Variants in CAPN9 observed in about 807,000 individuals in gnomAD.
CAPN9 encodes calpain-9.
In CAPN9, 81 loss-of-function variants were observed where a neutral mutation model predicts 92.8. That is an observed-to-expected ratio of 0.87 (90% CI 0.73 to 1.05). The LOEUF is 1.05. Ranked by LOEUF, CAPN9 falls within the 50% of genes least tolerant of loss-of-function variation. CAPN9 has a pLI of 0.00. For missense variants in CAPN9, 848 were observed against 866.2 expected, an observed-to-expected ratio of 0.98 and a Z score of 0.26; for synonymous variants, 304 against 328.0, an observed-to-expected ratio of 0.93 and a Z score of 0.79.
At chr1:230,780,085 T>TGC (rs1667103325) in intron 9 of CAPN9, 94 bp from the exon 10 acceptor site, 1 of 43,456 alleles carries the variant, frequency 2.3e-5, no homozygotes, top group Non-Finnish European at 5.0e-5. Context: ...TATGTGCGTG[T>TGC]GTGTGTGTGT....
At position 230,787,557 on chromosome 1, in the gene CAPN9, G is replaced by A; in HGVS notation, c.1554G>A (p.Glu518=). The change falls in exon 13 of 20, where the codon GAG becomes GAA. Residue 518 remains glutamate, a synonymous_variant. Coordinates refer to ENST00000271971, the MANE Select transcript of CAPN9 (RefSeq NM_006615.3). The stretch of plus-strand genomic sequence containing the variant: ...CAACTCCACCTGACCAGGAGACAGA[G>A]GAGGAGCAGCGGTTTCGGGCTCTGT... The part of the protein sequence containing the change: ...PKPTPPDQET[E]EEQRFRALFE... 6.2e-7 allele frequency: 1 copy of A among 1,614,126 alleles called. No homozygotes were observed. Among genetic ancestry groups the A allele is most frequent in the Non-Finnish European group, 8.5e-7 (1 of 1,179,980 alleles).
chr1:230,763,145 C>A (rs780769882), intron 4 of CAPN9, among the ~76,000 whole-genome samples: 1 of 152,186 alleles, frequency 6.6e-6, no homozygotes, highest in Non-Finnish European at 1.5e-5. Context: ...TGGGCTATTA[C>A]GCACGTTGAT....
intron 1 of CAPN9, among the ~76,000 whole-genome samples, chr1:230,753,837 GCTTCCTCCCTCCCTCC>G (rs1200715618): frequency 7.4e-6 from 1 of 135,076 alleles, no homozygotes; most frequent in Non-Finnish European, 1.7e-5. Flanking sequence ...GACCGGCCCG[GCTTCCTCCCTCCCTCC>G]CTCCCTCCCT....
Position 230,795,196 on chromosome 1 carries a change from T to A in CAPN9, c.1904T>A (p.Ile635Asn). ...CTGAGCAGCCACCTCCTGCAGCTGA[T>A]TGTGCTCAGGTATGCGGATGAGGAG... ...FQLSSHLLQLIVLRYADEELQ... is the reference protein window; with the variant it reads ...FQLSSHLLQLNVLRYADEELQ... Residue 635 changes from isoleucine (I) to asparagine (N), a missense_variant, in exon 18 of 20, where the codon ATT becomes AAT. Coordinates refer to ENST00000271971, the MANE Select transcript of CAPN9 (RefSeq NM_006615.3). 6.2e-7 allele frequency: 1 copy of A among 1,613,366 alleles called. No homozygotes were observed. Among genetic ancestry groups the A allele is most frequent in the South Asian group, 1.1e-5 (1 of 91,026 alleles).
chr1:230,785,854 TA>T, intron 11 of CAPN9, 126 bp from the exon 12 acceptor site: 1 of 876,024 alleles, frequency 1.1e-6, no homozygotes, highest in Non-Finnish European at 1.9e-6. Context: ...CTGTGAAATG[TA>T]AACAGCACTG....
At position 230,755,360 on chromosome 1, in the gene CAPN9, C is replaced by T. The variant is rs757593269; in HGVS notation, c.237C>T (p.Phe79=). The stretch of plus-strand genomic sequence containing the variant: ...AGGAAATCGTGAAAAACCCAGAATT[C>T]ATTCTTGGAGGGGCCACCAGGACTG... The part of the protein sequence containing the change: ...RPGEIVKNPE[F]ILGGATRTDI... The change falls in exon 2 of 20, where the codon TTC becomes TTT. Residue 79 remains phenylalanine, a synonymous_variant. Transcript: ENST00000271971. 2.1e-5 allele frequency: 34 copies of T among 1,610,176 alleles called. No individual in the cohort carries two copies. The Admixed American group carries it at 5.7e-4, about 27-fold the overall frequency.
chr1:230,774,299 G>A (rs544716575), intron 7 of CAPN9, among the ~76,000 whole-genome samples: 4 of 152,360 alleles, frequency 2.6e-5, no homozygotes, highest in Non-Finnish European at 5.9e-5. Flanking sequence ...AATCTTCCAT[G>A]TCGGTGGTTC....
intron 18 of CAPN9, among the ~76,000 whole-genome samples, chr1:230,796,368 AAATAATAAAATT>A (rs2102940111): frequency 6.7e-6 from 1 of 148,690 alleles, no homozygotes; most frequent in Non-Finnish European, 1.5e-5. Context: ...ATAAATAAAT[AAATAATAAAATT>A]AAATTAAATT....
intron 13 of CAPN9, among the ~76,000 whole-genome samples, 163 bp downstream of exon 13, chr1:230,787,765 C>T (rs1226011843): frequency 6.6e-6 from 1 of 152,224 alleles, no homozygotes; most frequent in Non-Finnish European, 1.5e-5. Flanking sequence ...CCAAAGACCA[C>T]CCTGTTTACA....
chr1:230,780,214 CT>C lies in CAPN9; in HGVS notation c.1151del (p.Leu384ArgfsTer15), dbSNP rs1413333761. The stretch of plus-strand genomic sequence containing the variant: ...GACCAATCCACAAATAAAATTGTCT[CT>C]GACTGAGAAAGATGAGGGGCAGGAG... ...FWTNPQIKLS[L>X]TEKDEGQEEC... On this transcript the variant is annotated frameshift_variant, in exon 10 of 20. Coordinates refer to ENST00000271971, the MANE Select transcript of CAPN9 (RefSeq NM_006615.3). LOFTEE classifies it high-confidence loss of function. The C allele has an allele frequency of 8.7e-6, 14 of 1,613,802 alleles. No homozygotes were observed. The highest frequency in any genetic ancestry group is 1.2e-5 in the Non-Finnish European group (14 of 1,179,912).
chr1:230,796,811 G>C (rs1668388421), intron 18 of CAPN9, among the ~76,000 whole-genome samples: 1 of 152,116 alleles, frequency 6.6e-6, no homozygotes. Context: ...ATCCTTCCCA[G>C]AACGGGGGGT....
intron 9 of CAPN9, among the ~76,000 whole-genome samples, chr1:230,779,970 TC>T (rs1667092676): frequency 6.6e-6 from 1 of 152,152 alleles, no homozygotes; most frequent in South Asian, 2.1e-4. Context: ...TATTTTGCAT[TC>T]CCGTTGGGGA....
At chr1:230,755,234 G>A in intron 1 of CAPN9, 103 bp from the exon 2 acceptor site, 1 of 888,844 alleles carries the variant, frequency 1.1e-6, no homozygotes, top group Non-Finnish European at 1.8e-6. Flanking sequence ...CAAGCACAGG[G>A]AAAGCCCTCT....
At chr1:230,771,932 C>A in intron 6 of CAPN9, 82 bp from the exon 7 acceptor site, 2 of 1,107,270 alleles carry the variant, frequency 1.8e-6, no homozygotes, top group Non-Finnish European at 1.4e-6. Context: ...TGGAGCTGGT[C>A]CACCTGGAGC....
intron 2 of CAPN9, among the ~76,000 whole-genome samples, chr1:230,756,612 A>AT (rs779311345): frequency 5.5e-4 from 84 of 151,974 alleles, no homozygotes; most frequent in Non-Finnish European, 9.4e-4. Context: ...TTCTAAGTGG[A>AT]TTTTTTTTCA....
intron 2 of CAPN9, among the ~76,000 whole-genome samples, chr1:230,757,862 C>T (rs6698654): frequency 0.2 from 31,014 of 151,808 alleles, 3,476 homozygotes; most frequent in African/African-American, 0.29. Flanking sequence ...GGATCAAGAG[C>T]GACTGCAGTA....
chr1:230,747,844 T>C, intron 1 of CAPN9, 135 bp downstream of exon 1: 1 of 776,274 alleles, frequency 1.3e-6, no homozygotes, highest in South Asian at 1.7e-5. Context: ...CAGTCTACCG[T>C]GGAAAGCTTT....
At chr1:230,772,458 C>A (rs1461621343) in intron 7 of CAPN9, among the ~76,000 whole-genome samples, 1 of 150,760 alleles carries the variant, frequency 6.6e-6, no homozygotes, top group Non-Finnish European at 1.5e-5. Flanking sequence ...TGCATAAGTG[C>A]GTGTGTGTTT....
intron 7 of CAPN9, 83 bp downstream of exon 7, chr1:230,772,182 G>T: frequency 1.8e-6 from 2 of 1,136,880 alleles, no homozygotes; most frequent in Non-Finnish European, 1.3e-6. Context: ...GTGAAGGAGT[G>T]GCCTGTCTAC....
Sources: allele counts gnomAD v4.1 joint callset (sites outside exome capture counted in the v4.1 genomes callset), GRCh38; gene constraint gnomAD v4.1.1; transcripts MANE v1.5; gene names NCBI Gene and HGNC (gene_info 2026-07-23, HGNC 2026-07-21).